The following MAPK10 variants were observed in gnomAD, a reference collection of about 807,000 sequenced individuals.
MAPK10 encodes the protein JNK3 alpha protein kinase.
In MAPK10, 25 loss-of-function variants were observed where a neutral mutation model predicts 59.3. The ratio of observed to expected loss-of-function variants is 0.42; its 90% CI spans 0.31 to 0.59. The LOEUF (loss-of-function observed/expected upper bound fraction) is 0.59. Among genes scored for constraint, MAPK10 ranks in the 20% least tolerant of loss-of-function variants. The pLI, the probability that MAPK10 is intolerant of heterozygous loss-of-function variation, is 0.15. For synonymous variants in MAPK10, 190 were observed against 200.5 expected, an observed-to-expected ratio of 0.95 and a Z score of 0.44; for missense variants, 351 against 568.9, an observed-to-expected ratio of 0.62 and a Z score of 3.90.
chr4:86,139,469 T>C (rs2063093016), intron 4 of MAPK10, among the ~76,000 whole-genome samples: 1 of 151,170 alleles, frequency 6.6e-6, no homozygotes, highest in South Asian at 2.1e-4. Flanking sequence ...CTGGGAAAAC[T>C]GGCTAGCCAT....
intron 1 of MAPK10, among the ~76,000 whole-genome samples, chr4:86,375,075 G>A (rs1739568696): frequency 1.3e-5 from 2 of 152,260 alleles, no homozygotes; most frequent in African/African-American, 2.4e-5. Context: ...TATAATGCGA[G>A]GGATTTTTAA....
At position 86,330,548 on chromosome 4, in the gene MAPK10, GGTGA is replaced by G. The variant is rs10538760; in HGVS notation, c.-7+23978_-7+23981del. Among the ~76,000 whole-genome samples the G allele has an allele frequency of 9.0e-3, 1,370 of 152,232 alleles. 13 individuals carry two copies. The highest frequency in any genetic ancestry group is 0.031 in the African/African-American group (1,294 of 41,532). The stretch of plus-strand genomic sequence containing the variant: ...ACCCCCATGCTGCTGTTCTCATGAT[GGTGA>G]GTGAGTTCTCAGGAGATCTGATGGT... On this transcript the variant is annotated intron_variant, in intron 2 of 13. Coordinates refer to ENST00000641462, the MANE Select transcript of MAPK10 (RefSeq NM_138982.4).
chr4:86,485,032 C>T (rs7690137), intron 1 of MAPK10, among the ~76,000 whole-genome samples: 2 of 152,042 alleles, frequency 1.3e-5, no homozygotes, highest in African/African-American at 4.8e-5. Context: ...TTTACAAGGT[C>T]GGATGAATAG....
intron 1 of MAPK10, among the ~76,000 whole-genome samples, chr4:86,514,382 A>C (rs77973277): frequency 0.047 from 7,130 of 152,198 alleles, 225 homozygotes; most frequent in African/African-American, 0.059. Context: ...ACAATTATAC[A>C]ATTGTCATTT....
At chr4:86,142,602 T>C (rs764301323) in intron 4 of MAPK10, among the ~76,000 whole-genome samples, 1 of 152,222 alleles carries the variant, frequency 6.6e-6, no homozygotes, top group Non-Finnish European at 1.5e-5. Context: ...GTTTTATTTC[T>C]TGAGAAGCTA....
Position 86,416,103 on chromosome 4 carries a change from A to G in MAPK10, c.-122+36927T>C, listed in dbSNP as rs537923707. ...GACTGCTTTAGGAGATGGGGCCTCT[A>G]CAGAGGTAATTAATGTTAAATAAGG... is the stretch of plus-strand genomic sequence containing the variant. On this transcript the variant is annotated intron_variant, in intron 1 of 13. Coordinates refer to the MAPK10 transcript ENST00000361569. 4.6e-5 allele frequency among the ~76,000 whole-genome samples: 7 copies of G among 152,322 alleles called. No individual in the cohort carries two copies. In the South Asian group the frequency reaches 8.3e-4, roughly 18 times the overall value.
Position 86,017,417 on chromosome 4 carries a change from C to T in MAPK10, c.1253-47G>A, listed in dbSNP as rs772661838. 5.6e-6 allele frequency: 9 copies of T among 1,608,456 alleles called. 1 individual carries two copies. In the Admixed American group the frequency reaches 1.5e-4, roughly 27 times the overall value. ...CAACATGACTCAATCTAGAACCAGA[C>T]CCATCTTAATGCCATTCAGGATTCA... is the stretch of plus-strand genomic sequence containing the variant. On this transcript the variant is annotated intron_variant, in intron 13 of 13. Transcript: ENST00000641462. This position sits in a 1 kb window ranked among gnomAD's most constrained non-coding sequence, Gnocchi z 4.4.
At chr4:86,049,486 G>T (rs985532590) in intron 11 of MAPK10, among the ~76,000 whole-genome samples, 1 of 151,798 alleles carries the variant, frequency 6.6e-6, no homozygotes, top group Non-Finnish European at 1.5e-5. Context: ...AAGAAAATAA[G>T]TCTAACTGAG....
intron 2 of MAPK10, among the ~76,000 whole-genome samples, chr4:86,246,616 T>C (rs2093107701): frequency 6.6e-6 from 1 of 152,228 alleles, no homozygotes; most frequent in South Asian, 2.1e-4. Context: ...TACCATGTGT[T>C]CTTAGTAGTT....
At chr4:86,043,582 C>A (rs1560912312) in intron 11 of MAPK10, among the ~76,000 whole-genome samples, 1 of 152,056 alleles carries the variant, frequency 6.6e-6, no homozygotes, top group African/African-American at 2.4e-5. Flanking sequence ...TGCTTTGATT[C>A]TTTGTTCTTT....
Position 86,264,888 on chromosome 4 carries a change from C to CTTTTTTTT in MAPK10, c.-6-70489_-6-70482dup, listed in dbSNP as rs397879051. Among the ~76,000 whole-genome samples, 24 of 95,266 alleles carry CTTTTTTTT rather than the reference C, an allele frequency of 2.5e-4. 1 individual carries two copies. The highest frequency in any genetic ancestry group is 4.1e-4 in the South Asian group (1 of 2,448). The allele number at this position is 95,266 out of a possible 152,430, so 62.5% of individuals were successfully genotyped here. A position where few individuals can be genotyped will look rare whatever the true frequency, so the allele number is the denominator to read the frequency against. On this transcript the variant is annotated intron_variant, in intron 2 of 13. Transcript: ENST00000641462. The stretch of plus-strand genomic sequence containing the variant: ...TCTCTAGGTTTTTGATGGCCCTGGA[C>CTTTTTTTT]TTTTTTTTTTTTTTTTTTTTTTGTG...
At chr4:86,440,481 AT>A (rs987204826) in intron 1 of MAPK10, among the ~76,000 whole-genome samples, 3 of 152,082 alleles carry the variant, frequency 2.0e-5, no homozygotes, top group Non-Finnish European at 4.4e-5. Flanking sequence ...AAATAAAAAA[AT>A]TAGCCAGGCA....
intron 1 of MAPK10, among the ~76,000 whole-genome samples, chr4:86,525,055 T>G (rs1051963046): frequency 6.6e-6 from 1 of 152,048 alleles, no homozygotes; most frequent in Non-Finnish European, 1.5e-5. Context: ...CCCAGCACTT[T>G]GGGAGGCTGA....
chr4:86,334,112 G>T (rs1209810990), intron 2 of MAPK10, among the ~76,000 whole-genome samples: 1 of 152,106 alleles, frequency 6.6e-6, no homozygotes, highest in East Asian at 1.9e-4. Context: ...GTCCACAGAT[G>T]AATTCAACTT....
intron 2 of MAPK10, among the ~76,000 whole-genome samples, chr4:86,290,150 G>T (rs1325261371): frequency 3.3e-5 from 5 of 152,140 alleles, no homozygotes; most frequent in African/African-American, 1.2e-4. Flanking sequence ...GAGAAGAAAA[G>T]AATTATGATG....
intron 4 of MAPK10, among the ~76,000 whole-genome samples, chr4:86,131,030 A>G (rs761237086): frequency 2.0e-5 from 3 of 152,158 alleles, no homozygotes; most frequent in Non-Finnish European, 1.5e-5. Flanking sequence ...GGGATAGATC[A>G]TAATATAAGG....
intron 1 of MAPK10, among the ~76,000 whole-genome samples, chr4:86,422,725 A>G (rs946434757): frequency 2.1e-4 from 32 of 152,224 alleles, no homozygotes; most frequent in African/African-American, 7.7e-4. Context: ...CGGCAGGCAT[A>G]GAAACAAAAA....
intron 1 of MAPK10, among the ~76,000 whole-genome samples, chr4:86,581,899 TTATATATATATATATA>T (rs67303972): frequency 0.17 from 15,395 of 91,420 alleles, 1,432 homozygotes; most frequent in South Asian, 0.21. Context: ...GCTATATATA[TTATATATATATATATA>T]TATATATATA....
chr4:86,140,284 A>G (rs1182261584), intron 4 of MAPK10, among the ~76,000 whole-genome samples: 1 of 134,768 alleles, frequency 7.4e-6, no homozygotes, highest in African/African-American at 3.1e-5. Flanking sequence ...GAACCAACCC[A>G]AATGTCCAAC....
Sources: gnomAD v4.1 joint callset for allele counts (sites outside exome capture counted in the v4.1 genomes callset) on GRCh38, gnomAD v4.1.1 for gene constraint, Gnocchi (gnomAD v3.1) non-coding constraint, MANE v1.5 for transcripts, NCBI Gene and HGNC (gene_info 2026-07-23, HGNC 2026-07-21) for gene names.